The following MAML3 variants were observed in gnomAD, a reference collection of about 807,000 sequenced individuals.
The protein encoded by MAML3 is mastermind-like protein 3.
A neutral mutation model predicts 101.9 loss-of-function variants in MAML3; 27 were observed. The ratio of observed to expected loss-of-function variants is 0.27; its 90% CI spans 0.20 to 0.37. The LOEUF (loss-of-function observed/expected upper bound fraction) is 0.37. Ranked by LOEUF, MAML3 falls within the 10% of genes least tolerant of loss-of-function variation. The probability of loss-of-function intolerance (pLI) is 1.00; values close to 1 mark genes in which losing one functional copy is unlikely to be tolerated. For synonymous variants in MAML3, 501 were observed against 555.9 expected, an observed-to-expected ratio of 0.90 and a Z score of 1.39; for missense variants, 1,316 against 1,444.9, an observed-to-expected ratio of 0.91 and a Z score of 1.45.
At chr4:139,978,551 G>A (rs1734386221) in intron 1 of MAML3, among the ~76,000 whole-genome samples, 1 of 149,712 alleles carries the variant, frequency 6.7e-6, no homozygotes, top group South Asian at 2.1e-4. Context: ...TGGGTAAAGG[G>A]CAGTTGACCC....
intron 1 of MAML3, among the ~76,000 whole-genome samples, chr4:139,930,829 T>A (rs1478613814): frequency 2.0e-5 from 3 of 152,210 alleles, no homozygotes; most frequent in Non-Finnish European, 4.4e-5. Flanking sequence ...AGTTCTTATG[T>A]TACCAACTGA....
chr4:139,914,022 G>T (rs1374455877), intron 1 of MAML3, among the ~76,000 whole-genome samples: 2 of 152,082 alleles, frequency 1.3e-5, no homozygotes, highest in Non-Finnish European at 2.9e-5. Flanking sequence ...TTACAAGAAA[G>T]TATCCAGTAA....
chr4:139,839,922 A>T (rs1731330458), intron 2 of MAML3, among the ~76,000 whole-genome samples: 3 of 152,160 alleles, frequency 2.0e-5, no homozygotes. Flanking sequence ...ATCCAAAAGC[A>T]ACTCTCCCTG....
chr4:140,120,051 C>A (rs1005530662), intron 1 of MAML3, among the ~76,000 whole-genome samples: 5 of 152,040 alleles, frequency 3.3e-5, no homozygotes, highest in South Asian at 4.2e-4. Flanking sequence ...TCCTGGCTAA[C>A]ACGGTGAAAC....
rs187488364 is a variant in MAML3, at chr4:139,746,888, C to T, written c.2080-16221G>A. Among the ~76,000 whole-genome samples, 106 of 152,202 alleles carry T rather than the reference C, an allele frequency of 7.0e-4. No individual in the cohort carries two copies. The Middle Eastern group carries it at 0.017, about 24-fold the overall frequency. The stretch of plus-strand genomic sequence containing the variant: ...AGGTAATAAAAAGCCTAGGGAGAAT[C>T]GGGTGGGAGGGGGTTGCTGGCGTCT... On this transcript the variant is annotated intron_variant, in intron 2 of 4. Transcript: ENST00000509479.
chr4:139,966,488 T>C (rs1355716117), intron 1 of MAML3, among the ~76,000 whole-genome samples: 2 of 152,184 alleles, frequency 1.3e-5, no homozygotes, highest in African/African-American at 2.4e-5. Context: ...CCTTTGCCTT[T>C]CCTAAGATGC....
At chr4:139,772,055 C>T (rs182067874) in intron 2 of MAML3, among the ~76,000 whole-genome samples, 4,226 of 150,582 alleles carry the variant, frequency 0.028, 63 homozygotes, top group Non-Finnish European at 0.032. Flanking sequence ...CTGGCTAACA[C>T]GGTGAAACCC....
intron 1 of MAML3, among the ~76,000 whole-genome samples, chr4:140,057,150 T>C (rs1463439390): frequency 6.6e-6 from 1 of 152,166 alleles, no homozygotes; most frequent in East Asian, 1.9e-4. Context: ...ATGGCATGCA[T>C]CTGTAGTCCC....
intron 1 of MAML3, among the ~76,000 whole-genome samples, chr4:140,073,141 C>CTTTT (rs565407589): frequency 7.1e-6 from 1 of 141,730 alleles, no homozygotes; most frequent in African/African-American, 2.6e-5. Flanking sequence ...TCCATGTTTT[C>CTTTT]TTTTTTTTTT....
intron 1 of MAML3, among the ~76,000 whole-genome samples, chr4:140,012,939 G>A (rs116252505): frequency 1.9e-3 from 290 of 152,282 alleles, no homozygotes; most frequent in Middle Eastern, 0.017. Context: ...AATATACCCT[G>A]AGCAAAGAGA....
chr4:139,931,802 G>A (rs1458026036), intron 1 of MAML3, among the ~76,000 whole-genome samples: 2 of 151,780 alleles, frequency 1.3e-5, no homozygotes, highest in African/African-American at 4.8e-5. Context: ...CTGAGGTCAG[G>A]AGTTCAAGAC....
chr4:139,915,279 A>G (rs1458871396), intron 1 of MAML3, among the ~76,000 whole-genome samples: 2 of 152,232 alleles, frequency 1.3e-5, no homozygotes, highest in Non-Finnish European at 2.9e-5. Context: ...GCTCACAGGA[A>G]GAGAAAAAAA....
At chr4:139,816,874 C>T (rs948560137) in intron 2 of MAML3, among the ~76,000 whole-genome samples, 1 of 152,110 alleles carries the variant, frequency 6.6e-6, no homozygotes. Context: ...TACATAGCCA[C>T]ACGGAGGGAA....
intron 1 of MAML3, among the ~76,000 whole-genome samples, chr4:140,147,157 A>T (rs1399815567): frequency 8.0e-6 from 1 of 125,608 alleles, no homozygotes; most frequent in South Asian, 2.6e-4. Context: ...AAAAAAAAAA[A>T]TTGTTACGCC....
intron 2 of MAML3, among the ~76,000 whole-genome samples, chr4:139,869,999 A>G (rs950311615): frequency 2.0e-5 from 3 of 152,242 alleles, no homozygotes; most frequent in Non-Finnish European, 4.4e-5. Context: ...TGTTGACCAT[A>G]TGACCTTAAA....
chr4:139,895,276 G>T (rs1732586883), intron 1 of MAML3, among the ~76,000 whole-genome samples: 1 of 152,186 alleles, frequency 6.6e-6, no homozygotes, highest in Non-Finnish European at 1.5e-5. Context: ...AATATTGTCT[G>T]GTTCTTAAGA....
intron 2 of MAML3, among the ~76,000 whole-genome samples, chr4:139,752,603 G>A (rs1171268763): frequency 1.3e-5 from 2 of 152,246 alleles, no homozygotes; most frequent in Admixed American, 6.5e-5. Flanking sequence ...ATTCAGAGAA[G>A]GCTTGGCACA....
At chr4:140,077,670 G>A (rs1412985466) in intron 1 of MAML3, among the ~76,000 whole-genome samples, 1 of 152,126 alleles carries the variant, frequency 6.6e-6, no homozygotes, top group African/African-American at 2.4e-5. Context: ...ATAGAAGTAG[G>A]CTAGTATTAT....
chr4:139,790,742 T>G (rs1236673433), intron 2 of MAML3, among the ~76,000 whole-genome samples: 1 of 152,248 alleles, frequency 6.6e-6, no homozygotes, highest in Non-Finnish European at 1.5e-5. Flanking sequence ...TTTTGAAGAC[T>G]GAATAACATT....
Sources: allele counts gnomAD v4.1 joint callset (sites outside exome capture counted in the v4.1 genomes callset), GRCh38; gene constraint gnomAD v4.1.1; transcripts MANE v1.5; gene names NCBI Gene and HGNC (gene_info 2026-07-23, HGNC 2026-07-21).